Variants in MUC12 observed in about 807,000 individuals in gnomAD.
MUC12 encodes mucin-12.
Under a neutral mutation model 230.8 loss-of-function variants are expected in MUC12, and 172 were observed. The observed-to-expected ratio is 0.75, with a 90% CI of 0.66 to 0.85. The LOEUF is 0.85. MUC12 is among the 40% of genes least tolerant of loss of function. The pLI is 0.00. For synonymous variants in MUC12, 1,259 were observed against 2,401.9 expected (o/e 0.52, Z 13.91); for missense variants, 3,506 against 5,920.6 (o/e 0.59, Z 13.38).
chr7:101,012,864 C>A lies in MUC12; in HGVS notation c.15449C>A (p.Ser5150Ter). 21 of 1,537,264 alleles carry A rather than the reference C, an allele frequency of 1.4e-5. No individual in the cohort carries two copies. The highest frequency in any genetic ancestry group is 1.8e-5 in the Non-Finnish European group (21 of 1,146,912). ...YSEEDTFVDS[S>*]VTPGFDFQEQ... ...GAAGAGGACACTTTCGTGGATTCAT[C>A]GGTGACTCCGGGCTTTGACTTCCAG... The change falls in exon 7 of 12, where the codon TCG (serine) becomes TAG (stop). Residue 5150 changes from serine to a stop codon, truncating the protein, a stop_gained. Transcript: ENST00000536621. LOFTEE classifies it high-confidence loss of function.
At position 101,002,861 on chromosome 7, in the gene MUC12, C is replaced by G; in HGVS notation, c.12298C>G (p.Pro4100Ala). The change falls in exon 2 of 12, where the codon CCT becomes GCT. Residue 4100 changes from proline to alanine, a missense_variant. Pro to Ala is a conservative substitution (Grantham distance 27). Transcript: ENST00000536621. ...TPSPPSTTAVPVEVSTTYHSR... is the reference protein window; with the variant it reads ...TPSPPSTTAVAVEVSTTYHSR... ...TTCACCTCCCAGCACCACAGCAGTCCCTGTTGAAGTATCCACAACCTACCA... is the reference window on the plus strand; with the variant it reads ...TTCACCTCCCAGCACCACAGCAGTCGCTGTTGAAGTATCCACAACCTACCA... 9.0e-7 allele frequency: 1 copy of G among 1,108,288 alleles called. No individual in the cohort carries two copies. The highest frequency in any genetic ancestry group is 1.2e-6 in the Non-Finnish European group (1 of 803,964). The allele number at this position is 1,108,288 out of a possible 1,614,324, so 68.7% of individuals were successfully genotyped here.
chr7:101,017,337 G>C lies in MUC12; in HGVS notation c.15878-238G>C. 3 of 492,878 alleles carry C rather than the reference G, an allele frequency of 6.1e-6. No homozygotes were observed. In the East Asian group the frequency reaches 1.0e-4, roughly 17 times the overall value. 30.5% of individuals were successfully genotyped at this position (492,878 alleles called of 1,614,324 possible). On this transcript the variant is annotated intron_variant, in intron 10 of 11. Transcript: ENST00000536621. The stretch of plus-strand genomic sequence containing the variant: ...TCCGTGGCCCCCGCTTCCACCCCGT[G>C]CATGTGGGGGGCTTCTGCTCCGCTC...
At position 101,006,531 on chromosome 7, in the gene MUC12, T is replaced by C. The variant is rs1289583188; in HGVS notation, c.15017T>C (p.Val5006Ala). The C allele has an allele frequency of 6.5e-7, 1 of 1,537,120 alleles. No homozygotes were observed. Among genetic ancestry groups the C allele is most frequent in the Non-Finnish European group, 8.7e-7 (1 of 1,146,902 alleles). Reference sequence around the variant, plus strand: ...CAATGCGTCTGTCCCCAAGGCTACGTTGGTTACCAGTGCTTGTCCCCTCTG... The same window carrying C: ...CAATGCGTCTGTCCCCAAGGCTACGCTGGTTACCAGTGCTTGTCCCCTCTG... ...GKQCVCPQGY[V>A]GYQCLSPLES... Residue 5006 changes from valine (V) to alanine (A), a missense_variant, in exon 3 of 12, where the codon GTT (valine) becomes GCT (alanine). Transcript: ENST00000536621.
At chr7:101,018,249 G>A (rs1332970671) in intron 11 of MUC12, among the ~76,000 whole-genome samples, 24 of 80,182 alleles carry the variant, frequency 3.0e-4, no homozygotes, top group South Asian at 5.6e-4. Flanking sequence ...CCCTTCCCCC[G>A]GGACTCCCTC....
At chr7:101,011,440 T>C (rs1304857688) in intron 5 of MUC12, among the ~76,000 whole-genome samples, 1 of 152,138 alleles carries the variant, frequency 6.6e-6, no homozygotes, top group Non-Finnish European at 1.5e-5. Flanking sequence ...TTTTTTAAAT[T>C]TTAAAAAATG....
chr7:100,985,856 G>A (rs946901505), intron 1 of MUC12, among the ~76,000 whole-genome samples: 14 of 152,084 alleles, frequency 9.2e-5, no homozygotes, highest in African/African-American at 2.9e-4. Flanking sequence ...GAACGCCTGC[G>A]TGAGCCTGTT....
rs199521685 is a variant in MUC12 at position 100,991,122 on chromosome 7, C to T, written c.559C>T (p.Pro187Ser). The T allele has an allele frequency of 1.3e-6, 2 of 1,537,636 alleles. No individual in the cohort carries two copies. The highest frequency in any genetic ancestry group is 2.0e-5 in the Admixed American group (1 of 50,954). The change falls in exon 2 of 12, where the codon CCA becomes TCA. Residue 187 changes from proline (P) to serine (S), a missense_variant. Transcript: ENST00000536621. ...TIAFPDSTTM[P>S]GVSQESTASH... ...AGCGTTCCCTGACAGTACCACCATG[C>T]CAGGCGTCAGTCAGGAATCTACAGC...
At chr7:101,009,185 T>C (rs1793805434) in intron 5 of MUC12, 26 bp downstream of exon 5, 4 of 1,531,702 alleles carry the variant, frequency 2.6e-6, no homozygotes, top group African/African-American at 1.4e-5. Context: ...GGCAGGTTTA[T>C]AGATGTGGGG....
intron 10 of MUC12, chr7:101,017,299 G>A: frequency 2.4e-6 from 1 of 421,106 alleles, no homozygotes; most frequent in Non-Finnish European, 4.3e-6. Context: ...GTCCAGGGCT[G>A]AACGCACGCT....
chr7:101,005,293 C>CA lies in MUC12; in HGVS notation c.14731dup (p.Ser4911LysfsTer49), dbSNP rs781566684. ...GTCAGGAATCAACAGCCTTCCACAG[C>CA]AGCTCAGACGCAACTGGAACAACAC... On this transcript the variant is annotated frameshift_variant, in exon 2 of 12. Transcript: ENST00000536621. LOFTEE classifies it high-confidence loss of function. 1 of 1,537,956 alleles carries CA rather than the reference C, an allele frequency of 6.5e-7. No homozygotes were observed. Among genetic ancestry groups the CA allele is most frequent in the Admixed American group, 2.0e-5 (1 of 51,012 alleles).
chr7:100,995,704 C>T lies in MUC12; in HGVS notation c.5141C>T (p.Thr1714Ile). ...ACATCAGCCTTTGTTGAGCTATCTA[C>T]AACCTCCCACGGCAGCCCGAGCTCA... ...TTTSAFVELSTTSHGSPSSTP... is the reference protein window; with the variant it reads ...TTTSAFVELSITSHGSPSSTP... The change falls in exon 2 of 12, where the codon ACA becomes ATA. Residue 1714 changes from threonine (T) to isoleucine (I), a missense_variant. Coordinates refer to ENST00000536621, the MANE Select transcript of MUC12 (RefSeq NM_001164462.2). The T allele has an allele frequency of 6.5e-7, 1 of 1,537,134 alleles. No homozygotes were observed.
At chr7:100,975,858 G>A (rs551169168) in intron 1 of MUC12, among the ~76,000 whole-genome samples, 6 of 152,428 alleles carry the variant, frequency 3.9e-5, no homozygotes, top group African/African-American at 7.2e-5. Flanking sequence ...AGATTCCCTC[G>A]GGAAGATCAA....
At chr7:100,990,504 AC>A (rs1354565824) in intron 1 of MUC12, 126 bp from the exon 2 acceptor site, 1 of 1,171,484 alleles carries the variant, frequency 8.5e-7, no homozygotes, top group African/African-American at 1.5e-5. Flanking sequence ...CAAAAGGGAA[AC>A]TTGAGTTTCA....
At position 101,004,586 on chromosome 7, in the gene MUC12, A is replaced by G; in HGVS notation, c.14023A>G (p.Thr4675Ala). The G allele has an allele frequency of 6.5e-7, 1 of 1,537,490 alleles. No homozygotes were observed. The highest frequency in any genetic ancestry group is 8.7e-7 in the Non-Finnish European group (1 of 1,146,758). ...AACAACACACTTTCCTGAGAGCTCC[A>G]CAACCTCCGGCCGTAGTGAGGAATC... ...IATTHFPESS[T>A]TSGRSEESTA... Residue 4675 changes from threonine (T) to alanine (A), a missense_variant, in exon 2 of 12, where the codon ACA (threonine) becomes GCA (alanine). By Grantham distance (58) the Thr-to-Ala change is moderately conservative. Transcript: ENST00000536621.
chr7:100,969,759 G>A, intron 1 of MUC12, 70 bp downstream of exon 1: 1 of 1,531,180 alleles, frequency 6.5e-7, no homozygotes, highest in Non-Finnish European at 8.8e-7. Flanking sequence ...CCCTGCCTCA[G>A]GCAGCAGGGC....
rs112710393 is a variant in MUC12 at position 100,979,574 on chromosome 7, G to A, written c.67+9885G>A. Among the ~76,000 whole-genome samples, 341 of 152,260 alleles carry A rather than the reference G, an allele frequency of 2.2e-3. 1 individual carries two copies. The highest frequency in any genetic ancestry group is 7.7e-3 in the African/African-American group (319 of 41,560). On this transcript the variant is annotated intron_variant, in intron 1 of 11. Coordinates refer to ENST00000536621, the MANE Select transcript of MUC12 (RefSeq NM_001164462.2). ...AGGCAGGCAGATCGCGAGGTCAAGA[G>A]ATCGAGACCATCCTGGCCAACATGG... is the stretch of plus-strand genomic sequence containing the variant.
At chr7:100,990,340 A>C (rs926457683) in intron 1 of MUC12, among the ~76,000 whole-genome samples, 1 of 152,210 alleles carries the variant, frequency 6.6e-6, no homozygotes, top group Non-Finnish European at 1.5e-5. Context: ...GAATCATCCC[A>C]AAACCATTCC....
At position 101,005,256 on chromosome 7, in the gene MUC12, C is replaced by T; in HGVS notation, c.14693C>T (p.Thr4898Ile). 2 of 1,537,912 alleles carry T rather than the reference C, an allele frequency of 1.3e-6. No individual in the cohort carries two copies. ...THTVLPATLTTTDIGQESTAF... is the reference protein window; with the variant it reads ...THTVLPATLTITDIGQESTAF... ...ACAGTGTTACCTGCCACCCTCACAA[C>T]CACAGACATTGGTCAGGAATCAACA... is the stretch of plus-strand genomic sequence containing the variant. Residue 4898 changes from threonine to isoleucine, a missense_variant, in exon 2 of 12, where the codon ACC (threonine) becomes ATC (isoleucine). Thr to Ile is a moderately conservative substitution (Grantham distance 89, BLOSUM62 -1). Coordinates refer to ENST00000536621, the MANE Select transcript of MUC12 (RefSeq NM_001164462.2).
chr7:100,979,483 A>G (rs898151154), intron 1 of MUC12, among the ~76,000 whole-genome samples: 1 of 152,106 alleles, frequency 6.6e-6, no homozygotes, highest in Non-Finnish European at 1.5e-5. Flanking sequence ...AAAATAAAAT[A>G]AAATAAAATG....
Sources: gnomAD v4.1 joint callset for allele counts (sites outside exome capture counted in the v4.1 genomes callset) on GRCh38, gnomAD v4.1.1 for gene constraint, MANE v1.5 for transcripts, NCBI Gene and HGNC (gene_info 2026-07-23, HGNC 2026-07-21) for gene names.